Variants in ELP4 observed in about 807,000 individuals in gnomAD.
The protein encoded by ELP4 is elongator acetyltransferase complex subunit 4.
Under a neutral mutation model 48.9 loss-of-function variants are expected in ELP4, and 51 were observed. That is an observed-to-expected ratio of 1.04 (90% CI 0.83 to 1.32). ELP4 has a LOEUF of 1.32. Among genes scored for constraint, ELP4 ranks in the 40% most tolerant of loss-of-function variants. ELP4 has a pLI of 0.00. For synonymous variants in ELP4, 210 were observed against 189.2 expected, an observed-to-expected ratio of 1.11 and a Z score of -0.90; for missense variants, 519 against 514.6, an observed-to-expected ratio of 1.01 and a Z score of -0.08.
chr11:31,589,272 T>C (rs965563431), intron 3 of ELP4, among the ~76,000 whole-genome samples: 2 of 152,150 alleles, frequency 1.3e-5, no homozygotes, highest in African/African-American at 2.4e-5. Flanking sequence ...ATATATACAT[T>C]ACCATATAGT....
In ELP4 at chr11:31,789,577, T is replaced by TAA. The variant is rs200391530; in HGVS notation, c.*6066_*6067dup. 9.5e-4 allele frequency: 466 copies of TAA among 490,128 alleles called. No individual in the cohort carries two copies. The highest frequency in any genetic ancestry group is 2.4e-3 in the South Asian group (87 of 36,974). 30.4% of individuals were successfully genotyped at this position (490,128 alleles called of 1,614,324 possible). On this transcript the variant is annotated 3_prime_UTR_variant, in exon 10 of 10. Coordinates refer to ENST00000640961, the MANE Select transcript of ELP4 (RefSeq NM_019040.5). The stretch of plus-strand genomic sequence containing the variant: ...AGCTTGTTGATCATGGTTTTCTTTT[T>TAA]AAAAAAAAAAAAAACAACTTCATGA...
rs573263672 is a variant in ELP4, at chr11:31,766,932, A to G, written c.1144-16461A>G. ...CCACTACTTGATATATTTCTAAAGG[A>G]AAAACTCATTTTTTCATCATTTATT... On this transcript the variant is annotated intron_variant, in intron 9 of 9. Coordinates refer to ENST00000640961, the MANE Select transcript of ELP4 (RefSeq NM_019040.5). Among the ~76,000 whole-genome samples the G allele has an allele frequency of 4.9e-4, 75 of 152,278 alleles. No individual in the cohort carries two copies. The South Asian group carries it at 0.014, about 29-fold the overall frequency.
chr11:31,697,136 T>C (rs538831583), intron 9 of ELP4, among the ~76,000 whole-genome samples: 62 of 152,218 alleles, frequency 4.1e-4, no homozygotes, highest in African/African-American at 1.3e-3. Flanking sequence ...ATGCACCCAA[T>C]ACAGGAGCAC....
intron 3 of ELP4, among the ~76,000 whole-genome samples, chr11:31,567,195 A>C (rs2133950786): frequency 6.6e-6 from 1 of 152,198 alleles, no homozygotes; most frequent in Admixed American, 6.5e-5. Flanking sequence ...AGCCTCCCAA[A>C]GTGCTGGGAT....
intron 9 of ELP4, among the ~76,000 whole-genome samples, chr11:31,740,038 G>T (rs1460078999): frequency 6.6e-6 from 1 of 152,176 alleles, no homozygotes; most frequent in Non-Finnish European, 1.5e-5. Context: ...GCCAAGAGAA[G>T]CTTTAAGAAA....
At chr11:31,707,372 A>C (rs1433424446) in intron 9 of ELP4, 8 of 183,606 alleles carry the variant, frequency 4.4e-5, no homozygotes, top group Middle Eastern at 2.1e-3. Flanking sequence ...ATACTTTTAT[A>C]ACGTATACAA....
At chr11:31,603,653 TCTTC>T (rs1458526507) in intron 4 of ELP4, 111 bp from the exon 5 acceptor site, 17 of 1,055,296 alleles carry the variant, frequency 1.6e-5, no homozygotes, top group African/African-American at 1.3e-4. Flanking sequence ...GTATATCCGT[TCTTC>T]CTTATTAGCT....
At chr11:31,544,057 T>G (rs1293131326) in intron 3 of ELP4, among the ~76,000 whole-genome samples, 3 of 152,128 alleles carry the variant, frequency 2.0e-5, no homozygotes, top group Non-Finnish European at 2.9e-5. Flanking sequence ...GGTCTACAGC[T>G]CCCAGCGTGA....
chr11:31,707,952 T>C (rs1264032708), intron 9 of ELP4, among the ~76,000 whole-genome samples: 1 of 152,194 alleles, frequency 6.6e-6, no homozygotes, highest in Non-Finnish European at 1.5e-5. Flanking sequence ...TAATCACATA[T>C]GAAAAGTCCT....
At position 31,738,192 on chromosome 11, in the gene ELP4, C is replaced by T. The variant is rs1307863816; in HGVS notation, c.1144-45201C>T. On this transcript the variant is annotated intron_variant, in intron 9 of 9. Transcript: ENST00000640961. ...AGGAAGATTGCTTGAGCCAGGAGTTCGAGATCATTCTGGGCAACATGGCAA... is the reference window on the plus strand; with the variant it reads ...AGGAAGATTGCTTGAGCCAGGAGTTTGAGATCATTCTGGGCAACATGGCAA... 3.0e-5 allele frequency among the ~76,000 whole-genome samples: 4 copies of T among 134,892 alleles called. No individual in the cohort carries two copies. The Admixed American group carries it at 3.4e-4, about 11-fold the overall frequency. The allele number at this position is 134,892 out of a possible 152,430, so 88.5% of individuals were successfully genotyped here.
intron 3 of ELP4, among the ~76,000 whole-genome samples, chr11:31,556,930 A>G (rs570155744): frequency 6.6e-6 from 1 of 152,060 alleles, no homozygotes; most frequent in Non-Finnish European, 1.5e-5. Context: ...AACATCAAAT[A>G]TAACAGCAAA....
At chr11:31,640,312 G>C (rs1014012730) in intron 7 of ELP4, among the ~76,000 whole-genome samples, 14 of 151,952 alleles carry the variant, frequency 9.2e-5, no homozygotes, top group African/African-American at 2.9e-4. Context: ...AAAAATACCT[G>C]TGAGAAAACA....
chr11:31,749,024 G>C (rs939518031), intron 9 of ELP4, among the ~76,000 whole-genome samples: 3 of 152,148 alleles, frequency 2.0e-5, no homozygotes, highest in African/African-American at 7.2e-5. Context: ...TCAAAGCAAG[G>C]AGGTATGAAT....
intron 3 of ELP4, among the ~76,000 whole-genome samples, chr11:31,592,359 C>A (rs1232187): frequency 6.6e-6 from 1 of 151,874 alleles, no homozygotes; most frequent in African/African-American, 2.4e-5. Context: ...GCCTGGGCAA[C>A]ATAGTGAAAT....
At position 31,788,361 on chromosome 11, in the gene ELP4, C is replaced by T. The variant is rs1948830349; in HGVS notation, c.*4837C>T. The T allele has an allele frequency of 4.5e-6, 1 of 224,546 alleles. No individual in the cohort carries two copies. The highest frequency in any genetic ancestry group is 2.2e-5 in the African/African-American group (1 of 44,810). The allele number at this position is 224,546 out of a possible 1,614,324, so 13.9% of individuals were successfully genotyped here. On this transcript the variant is annotated 3_prime_UTR_variant, in exon 10 of 10. Transcript: ENST00000640961. Reference sequence around the variant, plus strand: ...CTTGACATGCAACATCCCCCCTCCACCCTCCAACCATCCACAACCGCACAG... The same window carrying T: ...CTTGACATGCAACATCCCCCCTCCATCCTCCAACCATCCACAACCGCACAG...
chr11:31,639,334 A>C (rs1945041511), intron 7 of ELP4, among the ~76,000 whole-genome samples: 2 of 151,910 alleles, frequency 1.3e-5, no homozygotes, highest in East Asian at 1.9e-4. Context: ...CATATTTATC[A>C]AATTCCAGTG....
chr11:31,590,767 C>CCCCCCCTACCTTGGCCTCCCAAAGCGCT (rs1957554932), intron 3 of ELP4, among the ~76,000 whole-genome samples: 1 of 152,070 alleles, frequency 6.6e-6, no homozygotes, highest in Admixed American at 6.6e-5. Flanking sequence ...AGAGAGCAAG[C>CCCCCCCTACCTTGGCCTCCCAAAGCGCT]AGGAAGGTAG....
chr11:31,746,476 T>G (rs1385604919), intron 9 of ELP4, among the ~76,000 whole-genome samples: 2 of 152,168 alleles, frequency 1.3e-5, no homozygotes, highest in Non-Finnish European at 2.9e-5. Context: ...TAGCAAATAC[T>G]TGGAACCAAC....
intron 9 of ELP4, among the ~76,000 whole-genome samples, chr11:31,717,583 A>G (rs1324843346): frequency 1.3e-5 from 2 of 151,796 alleles, no homozygotes; most frequent in Admixed American, 6.6e-5. Flanking sequence ...GTAAAACCTC[A>G]TCTCTACTAA....
Sources: gnomAD v4.1 joint callset for allele counts (sites outside exome capture counted in the v4.1 genomes callset) on GRCh38, gnomAD v4.1.1 for gene constraint, MANE v1.5 for transcripts, NCBI Gene and HGNC (gene_info 2026-07-23, HGNC 2026-07-21) for gene names.